The following GTF2IRD1 variants were observed in gnomAD, a reference collection of about 807,000 sequenced individuals.
The protein encoded by GTF2IRD1 is GTF2I repeat domain containing 1.
Under a neutral mutation model 113.2 loss-of-function variants are expected in GTF2IRD1, and 26 were observed. The observed-to-expected ratio is 0.23, with a 90% confidence interval of 0.17 to 0.32. The LOEUF is 0.32. Ranked by LOEUF, GTF2IRD1 falls within the 10% of genes least tolerant of loss-of-function variation. GTF2IRD1 has a pLI of 1.00. For synonymous variants in GTF2IRD1, 484 were observed against 529.1 expected, an observed-to-expected ratio of 0.91 and a Z score of 1.17; for missense variants, 864 against 1,280.8, an observed-to-expected ratio of 0.67 and a Z score of 4.97.
chr7:74,532,616 G>A (rs1351494201), intron 9 of GTF2IRD1, among the ~76,000 whole-genome samples: 1 of 152,146 alleles, frequency 6.6e-6, no homozygotes, highest in Non-Finnish European at 1.5e-5. Context: ...TGGGGCTGAG[G>A]AAGCAGGCCT....
rs782550201 is a variant in GTF2IRD1 at position 74,512,164 on chromosome 7, C to A, written c.124-666C>A. 6.6e-6 allele frequency among the ~76,000 whole-genome samples: 1 copy of A among 152,098 alleles called. No homozygotes were observed. The highest frequency in any genetic ancestry group is 1.5e-5 in the Non-Finnish European group (1 of 68,012). On this transcript the variant is annotated intron_variant, in intron 2 of 26. Coordinates refer to ENST00000424337, the MANE Select transcript of GTF2IRD1 (RefSeq NM_005685.4). This position sits in a 1 kb window ranked among gnomAD's most constrained non-coding sequence, Gnocchi z 4.4. ...GTCAGGAGTTTGAGACCAGCCTGGC[C>A]AACATGGTGAAACCCCATCTCTACT...
At chr7:74,455,445 C>G (rs530979866) in intron 1 of GTF2IRD1, among the ~76,000 whole-genome samples, 1 of 152,322 alleles carries the variant, frequency 6.6e-6, no homozygotes, top group Admixed American at 6.5e-5. Context: ...TGGCACTGGC[C>G]CGGGGCCTTG....
intron 3 of GTF2IRD1, among the ~76,000 whole-genome samples, chr7:74,513,506 T>C (rs2130134054): frequency 6.6e-6 from 1 of 152,252 alleles, no homozygotes; most frequent in Non-Finnish European, 1.5e-5. Context: ...GGTTTCACCT[T>C]GTTGGCCAGG....
chr7:74,560,103 G>A (rs1799859416), intron 22 of GTF2IRD1, among the ~76,000 whole-genome samples: 1 of 152,208 alleles, frequency 6.6e-6, no homozygotes, highest in Non-Finnish European at 1.5e-5. Flanking sequence ...CTTCTGTTTA[G>A]CCACCTTACC....
chr7:74,572,004 AG>A (rs1800723966), intron 22 of GTF2IRD1, among the ~76,000 whole-genome samples: 1 of 152,134 alleles, frequency 6.6e-6, no homozygotes, highest in Non-Finnish European at 1.5e-5. Flanking sequence ...ATCCCTTTTC[AG>A]GGGGTACAAG....
At chr7:74,468,393 C>T (rs1793859646) in intron 1 of GTF2IRD1, among the ~76,000 whole-genome samples, 1 of 150,118 alleles carries the variant, frequency 6.7e-6, no homozygotes, top group South Asian at 2.1e-4. Context: ...GCCGCAGTGG[C>T]TCACTCCTGT....
At chr7:74,570,546 C>T (rs1271876983) in intron 22 of GTF2IRD1, among the ~76,000 whole-genome samples, 2 of 151,774 alleles carry the variant, frequency 1.3e-5, no homozygotes, top group African/African-American at 4.8e-5. Context: ...CTCAGGTACT[C>T]GGGAGGCTGA....
At chr7:74,493,170 C>T (rs1029029713) in intron 1 of GTF2IRD1, among the ~76,000 whole-genome samples, 3 of 149,284 alleles carry the variant, frequency 2.0e-5, no homozygotes, top group Admixed American at 6.8e-5. Flanking sequence ...AGGGCAGTGA[C>T]GTGATCTCAG....
chr7:74,531,986 T>C (rs587687243), intron 9 of GTF2IRD1, among the ~76,000 whole-genome samples: 1 of 152,142 alleles, frequency 6.6e-6, no homozygotes, highest in Non-Finnish European at 1.5e-5. Flanking sequence ...GGCAGATATA[T>C]TGGTTCTAGC....
chr7:74,558,904 G>A lies in GTF2IRD1; in HGVS notation c.2151G>A (p.Lys717=). The A allele has an allele frequency of 6.2e-7, 1 of 1,614,012 alleles. No homozygotes were observed. Among genetic ancestry groups the A allele is most frequent in the Non-Finnish European group, 8.5e-7 (1 of 1,179,964 alleles). The stretch of plus-strand genomic sequence containing the variant: ...AGTACCCGGTCCAGGTCCCCTACAA[G>A]CGGATCAAGAGTAACCCCGGCTCCG... ...GIKYPVQVPY[K]RIKSNPGSVI... Residue 717 remains lysine (K), a synonymous_variant, in exon 21 of 27, where the codon AAG becomes AAA. Transcript: ENST00000424337.
intron 1 of GTF2IRD1, among the ~76,000 whole-genome samples, chr7:74,467,788 G>A (rs1793815866): frequency 6.6e-6 from 1 of 152,150 alleles, no homozygotes; most frequent in South Asian, 2.1e-4. Flanking sequence ...CTGACTCCTG[G>A]TTTCAAGCGA....
chr7:74,560,877 G>C (rs1208660244), intron 22 of GTF2IRD1, among the ~76,000 whole-genome samples: 4 of 150,350 alleles, frequency 2.7e-5, no homozygotes, highest in African/African-American at 4.9e-5. Flanking sequence ...CACCACACCC[G>C]ACCTCCTGAC....
chr7:74,535,517 C>T (rs587636155), intron 10 of GTF2IRD1, among the ~76,000 whole-genome samples: 6 of 152,324 alleles, frequency 3.9e-5, no homozygotes, highest in Non-Finnish European at 7.3e-5. Flanking sequence ...GACAGAGGAA[C>T]GGAAGCCCAG....
intron 1 of GTF2IRD1, among the ~76,000 whole-genome samples, chr7:74,491,311 C>CTTTTTTTT (rs1178298791): frequency 1.0e-5 from 1 of 95,690 alleles, no homozygotes; most frequent in African/African-American, 4.0e-5. Context: ...AAAAAAAATT[C>CTTTTTTTT]TTTTTTTTTT....
intron 9 of GTF2IRD1, 28 bp downstream of exon 9, chr7:74,529,945 C>T (rs782608793): frequency 9.6e-6 from 15 of 1,563,606 alleles, no homozygotes; most frequent in Non-Finnish European, 1.2e-5. Context: ...CGCAGTGGCT[C>T]ATGCCTGTAA....
At chr7:74,508,272 C>A in intron 2 of GTF2IRD1, 69 bp downstream of exon 2, 2 of 1,518,668 alleles carry the variant, frequency 1.3e-6, no homozygotes, top group Non-Finnish European at 1.8e-6. Flanking sequence ...TAGCTCAAGT[C>A]CTACCTCAGC....
chr7:74,523,601 A>G (rs587620633), intron 7 of GTF2IRD1, among the ~76,000 whole-genome samples: 1 of 152,016 alleles, frequency 6.6e-6, no homozygotes, highest in Non-Finnish European at 1.5e-5. Context: ...GTGCCCTGTA[A>G]TCCCAGCTAC....
At chr7:74,533,713 C>G (rs1313884862) in intron 9 of GTF2IRD1, among the ~76,000 whole-genome samples, 1 of 152,072 alleles carries the variant, frequency 6.6e-6, no homozygotes, top group Non-Finnish European at 1.5e-5. Flanking sequence ...ACTGCTTGGG[C>G]CCCCTTGATT....
rs1554356486 is a variant in GTF2IRD1, at chr7:74,555,431, C to T, written c.1967-7C>T. ...ACTTGGCTTCTCTCCCCCTGCCCTG[C>T]CCCCAGAGAGGGATTCCGGGGACCC... On this transcript the variant is annotated splice_polypyrimidine_tract_variant and splice_region_variant and intron_variant, in intron 18 of 26. Transcript: ENST00000424337. The surrounding 1 kb of genome is among the most constrained non-coding windows in gnomAD (Gnocchi z 5.3). 7.4e-6 allele frequency: 12 copies of T among 1,613,762 alleles called. No individual in the cohort carries two copies. The East Asian group carries it at 1.6e-4, about 21-fold the overall frequency.
Sources: allele counts gnomAD v4.1 joint callset (sites outside exome capture counted in the v4.1 genomes callset), GRCh38; gene constraint gnomAD v4.1.1; non-coding constraint Gnocchi (gnomAD v3.1); transcripts MANE v1.5; gene names NCBI Gene and HGNC (gene_info 2026-07-23, HGNC 2026-07-21).